The following KRT19 variants were observed in gnomAD, a reference collection of about 807,000 sequenced individuals.
KRT19 encodes the protein keratin 19, also known as keratin, type I cytoskeletal 19.
A neutral mutation model predicts 34.6 loss-of-function variants in KRT19; 21 were observed. That is an observed-to-expected ratio of 0.61 (90% CI 0.43 to 0.87). The LOEUF (loss-of-function observed/expected upper bound fraction) is 0.87. KRT19 is among the 40% of genes least tolerant of loss of function. KRT19 has a pLI of 0.00. For synonymous variants in KRT19, 240 were observed against 245.8 expected, an observed-to-expected ratio of 0.98 and a Z score of 0.22; for missense variants, 514 against 545.7, an observed-to-expected ratio of 0.94 and a Z score of 0.58.
In KRT19 at chr17:41,523,877, C is replaced by G. The variant is rs1332809239; in HGVS notation, c.1069G>C (p.Glu357Gln). 5 of 1,613,996 alleles carry G rather than the reference C, an allele frequency of 3.1e-6. No homozygotes were observed. The highest frequency in any genetic ancestry group is 1.3e-5 in the African/African-American group (1 of 74,948). ...AQLGDVRADS[E>Q]RQNQEYQRLM... ...CGCTGGTACTCCTGATTCTGCCGCT[C>G]ACTATCAGCTCGCACATCGCCCAGC... Residue 357 changes from glutamate to glutamine, a missense_variant, in exon 6 of 6, where the codon GAG becomes CAG. Glu to Gln is a conservative substitution (Grantham distance 29). Transcript: ENST00000361566.
intron 1 of KRT19, among the ~76,000 whole-genome samples, chr17:41,527,313 C>T (rs148364399): frequency 3.8e-3 from 586 of 152,360 alleles, no homozygotes; most frequent in Middle Eastern, 6.8e-3. Context: ...TGGGAGGAGG[C>T]CAAAGCCTGA....
Position 41,523,938 on chromosome 17 carries a change from C to G in KRT19, c.1008G>C (p.Ala336=). 6.2e-7 allele frequency: 1 copy of G among 1,613,758 alleles called. No homozygotes were observed. The highest frequency in any genetic ancestry group is 8.5e-7 in the Non-Finnish European group (1 of 1,179,822). The change falls in exon 6 of 6, where the codon GCG becomes GCC. Residue 336 remains alanine, a synonymous_variant. Coordinates refer to ENST00000361566, the MANE Select transcript of KRT19 (RefSeq NM_002276.5). The part of the protein sequence containing the change: ...ETEARFGAQL[A]HIQALISGIE... ...TACCGCTGATCAGCGCCTGGATATG[C>G]GCCAGCTGGGCTCCAAAGCGCGCCT...
rs745520751 is a variant in KRT19 at position 41,524,947 on chromosome 17, G to A, written c.556C>T (p.Leu186=). The change falls in exon 3 of 6, where the codon CTG becomes TTG. Residue 186 remains leucine (L), a synonymous_variant. Transcript: ENST00000361566. ...GTCAGCTCATCCAGCACCCTGCGCA[G>A]GCCGTTGATGTCGGCCTCCACGCTC... The part of the protein sequence containing the change: ...RMSVEADING[L]RRVLDELTLA... 6.2e-7 allele frequency: 1 copy of A among 1,614,248 alleles called. No homozygotes were observed. Among genetic ancestry groups the A allele is most frequent in the African/African-American group, 1.3e-5 (1 of 75,070 alleles).
intron 1 of KRT19, among the ~76,000 whole-genome samples, chr17:41,526,641 G>T (rs764575250): frequency 8.1e-6 from 1 of 123,830 alleles, no homozygotes; most frequent in Non-Finnish European, 1.6e-5. Context: ...GCGCAATCTC[G>T]GCTCACTGCA....
chr17:41,527,920 C>T lies in KRT19; in HGVS notation c.328G>A (p.Val110Met), dbSNP rs751373563. ...ALEAANGELE[V>M]KIRDWYQKQG... ...TTCTGGTACCAGTCGCGGATCTTCA[C>T]CTCTAGCTCGCCGTTGGCCGCCTCC... Residue 110 changes from valine to methionine, a missense_variant, in exon 1 of 6, where the codon GTG becomes ATG. Val to Met is a conservative substitution (Grantham distance 21). Transcript: ENST00000361566. The T allele has an allele frequency of 1.2e-4, 198 of 1,613,784 alleles. No individual in the cohort carries two copies. The South Asian group carries it at 1.6e-3, about 13-fold the overall frequency.
rs1905746189 is a variant in KRT19 at position 41,523,664 on chromosome 17, G to A, written c.*79C>T. The A allele has an allele frequency of 2.1e-6, 3 of 1,443,498 alleles. No individual in the cohort carries two copies. Among genetic ancestry groups the A allele is most frequent in the African/African-American group, 1.4e-5 (1 of 71,144 alleles). The allele number at this position is 1,443,498 out of a possible 1,614,324, so 89.4% of individuals were successfully genotyped here. Reference sequence around the variant, plus strand: ...TTGGCAGGTCAGGAGAAGAGCCGGGGGTAAGGGTCCCTTCCTTCCCATCCC... The same window carrying A: ...TTGGCAGGTCAGGAGAAGAGCCGGGAGTAAGGGTCCCTTCCTTCCCATCCC... On this transcript the variant is annotated 3_prime_UTR_variant, in exon 6 of 6. Transcript: ENST00000361566.
Position 41,528,143 on chromosome 17 carries a change from G to A in KRT19, c.105C>T (p.Ser35=). ...CGCGGCCGCCGGAGCCCCCGTGAATGCTGGGCGCGCGAAAGGCGACCCCCG... is the reference window on the plus strand; with the variant it reads ...CGCGGCCGCCGGAGCCCCCGTGAATACTGGGCGCGCGAAAGGCGACCCCCG... ...FGPGVAFRAP[S]IHGGSGGRGV... The change falls in exon 1 of 6, where the codon AGC becomes AGT. Residue 35 remains serine (S), a synonymous_variant. Transcript: ENST00000361566. The A allele has an allele frequency of 1.9e-6, 3 of 1,601,750 alleles. No individual in the cohort carries two copies. The highest frequency in any genetic ancestry group is 2.5e-6 in the Non-Finnish European group (3 of 1,177,002).
Position 41,528,055 on chromosome 17 carries a change from A to G in KRT19, c.193T>C (p.Tyr65His), listed in dbSNP as rs1434351545. 2.0e-5 allele frequency: 32 copies of G among 1,611,190 alleles called. No homozygotes were observed. The highest frequency in any genetic ancestry group is 2.1e-5 in the Non-Finnish European group (25 of 1,179,354). Residue 65 changes from tyrosine (Y) to histidine (H), a missense_variant, in exon 1 of 6, where the codon TAC becomes CAC. Tyr to His is a moderately conservative substitution (Grantham distance 83). Coordinates refer to ENST00000361566, the MANE Select transcript of KRT19 (RefSeq NM_002276.5). ...TCGGACGCGGTCAGGACGCCGCCGT[A>G]GCCGCCGCCGTAGGCCCCCGAGGAG... Reference protein sequence around the residue: ...SSSSGAYGGGYGGVLTASDGL... With the variant: ...SSSSGAYGGGHGGVLTASDGL...
Position 41,526,564 on chromosome 17 carries a change from T to TTC in KRT19, c.420+1263_420+1264insGA, listed in dbSNP as rs1905874141. On this transcript the variant is annotated intron_variant, in intron 1 of 5. Coordinates refer to ENST00000361566, the MANE Select transcript of KRT19 (RefSeq NM_002276.5). Reference sequence around the variant, plus strand: ...ACGCCACCATGCCAAGCTAATTCCTTTTTTTTTTTTTTTTTTTTTTTTTTT... The same window carrying TTC: ...ACGCCACCATGCCAAGCTAATTCCTTTCTTTTTTTTTTTTTTTTTTTTTTTTT... Among the ~76,000 whole-genome samples the TTC allele has an allele frequency of 4.3e-5, 5 of 115,734 alleles. No individual in the cohort carries two copies. The South Asian group carries it at 1.3e-3, about 31-fold the overall frequency. The allele number at this position is 115,734 out of a possible 152,430, so 75.9% of individuals were successfully genotyped here. A position where few individuals can be genotyped will look rare whatever the true frequency, so the allele number is the denominator to read the frequency against.
Position 41,528,117 on chromosome 17 carries a change from C to A in KRT19, c.131G>T (p.Gly44Val). 6.2e-7 allele frequency: 1 copy of A among 1,607,480 alleles called. No individual in the cohort carries two copies. Among genetic ancestry groups the A allele is most frequent in the Non-Finnish European group, 8.5e-7 (1 of 1,178,566 alleles). The change falls in exon 1 of 6, where the codon GGC becomes GTC. Residue 44 changes from glycine to valine, a missense_variant. Gly to Val is a moderately radical substitution (Grantham distance 109). Coordinates refer to ENST00000361566, the MANE Select transcript of KRT19 (RefSeq NM_002276.5). ...AAAGCGGGCGGAGGACACGGATACG[C>A]CGCGGCCGCCGGAGCCCCCGTGAAT... is the stretch of plus-strand genomic sequence containing the variant. Reference protein sequence around the residue: ...PSIHGGSGGRGVSVSSARFVS... With the variant: ...PSIHGGSGGRVVSVSSARFVS...
chr17:41,524,357 G>A lies in KRT19; in HGVS notation c.822+22C>T, dbSNP rs1204874277. ...CCCTCCCCTTCCTAACCCCCAAAGG[G>A]TGCCTGCTTCCCTCTACCTACCCGG... On this transcript the variant is annotated intron_variant, in intron 4 of 5. Transcript: ENST00000361566. The A allele has an allele frequency of 1.9e-6, 3 of 1,613,718 alleles. No individual in the cohort carries two copies. In the East Asian group the frequency reaches 6.7e-5, roughly 36 times the overall value.
intron 1 of KRT19, among the ~76,000 whole-genome samples, chr17:41,527,620 C>T (rs890421013): frequency 6.6e-6 from 1 of 152,240 alleles, no homozygotes; most frequent in Non-Finnish European, 1.5e-5. Context: ...CCCAGTTCTC[C>T]TCCCCTTTCC....
In KRT19 at chr17:41,525,270, G is replaced by C; in HGVS notation, c.424C>G (p.Leu142Val). The C allele has an allele frequency of 6.2e-7, 1 of 1,612,610 alleles. No individual in the cohort carries two copies. Among genetic ancestry groups the C allele is most frequent in the Non-Finnish European group, 8.5e-7 (1 of 1,178,580 alleles). The change falls in exon 2 of 6, where the codon CTT (leucine) becomes GTT (valine). Residue 142 changes from leucine to valine, a missense_variant. Leu to Val is a conservative substitution (Grantham distance 32). Coordinates refer to ENST00000361566, the MANE Select transcript of KRT19 (RefSeq NM_002276.5). ...TTIQDLRDKI[L>V]GATIENSRIV... ...CTGGAGTTCTCAATGGTGGCACCAA[G>C]AATCTGGAAGGCAGAGGCAGAGGTT... is the stretch of plus-strand genomic sequence containing the variant.
chr17:41,527,885 A>G lies in KRT19; in HGVS notation c.363T>C (p.Pro121=). ...AGTGGCTGTAGTCGCGGGAGGGCCC[A>G]GGCCCCTGCTTCTGGTACCAGTCGC... ...KIRDWYQKQG[P]GPSRDYSHYY... Residue 121 remains proline (P), a synonymous_variant, in exon 1 of 6, where the codon CCT becomes CCC. Transcript: ENST00000361566. 6.2e-7 allele frequency: 1 copy of G among 1,613,372 alleles called. No individual in the cohort carries two copies. Among genetic ancestry groups the G allele is most frequent in the Non-Finnish European group, 8.5e-7 (1 of 1,179,742 alleles).
chr17:41,528,055 A>C lies in KRT19; in HGVS notation c.193T>G (p.Tyr65Asp). Residue 65 changes from tyrosine (Y) to aspartate (D), a missense_variant, in exon 1 of 6, where the codon TAC becomes GAC. Tyr to Asp is a radical substitution (Grantham distance 160). Transcript: ENST00000361566. ...TCGGACGCGGTCAGGACGCCGCCGT[A>C]GCCGCCGCCGTAGGCCCCCGAGGAG... The part of the protein sequence containing the change: ...SSSSGAYGGG[Y>D]GGVLTASDGL... The C allele has an allele frequency of 1.9e-6, 3 of 1,611,190 alleles. No homozygotes were observed. Among genetic ancestry groups the C allele is most frequent in the Non-Finnish European group, 1.7e-6 (2 of 1,179,354 alleles).
Position 41,523,759 on chromosome 17 carries a change from G to T in KRT19, c.1187C>A (p.Ala396Asp), listed in dbSNP as rs141241260. ...GQEDHYNNLS[A>D]SKVL is the part of the protein sequence containing the mutation. Reference sequence around the variant, plus strand: ...CCTGCTGCCTCAGAGGACCTTGGAGGCAGACAAATTGTTGTAGTGATCTTC... The same window carrying T: ...CCTGCTGCCTCAGAGGACCTTGGAGTCAGACAAATTGTTGTAGTGATCTTC... The change falls in exon 6 of 6, where the codon GCC (alanine) becomes GAC (aspartate). Residue 396 changes from alanine to aspartate, a missense_variant. Physicochemically the swap from Ala to Asp is moderately radical, Grantham distance 126. Coordinates refer to ENST00000361566, the MANE Select transcript of KRT19 (RefSeq NM_002276.5). 1.2e-5 allele frequency: 19 copies of T among 1,613,872 alleles called. No homozygotes were observed. The African/African-American group carries it at 2.3e-4, about 19-fold the overall frequency.
intron 1 of KRT19, among the ~76,000 whole-genome samples, chr17:41,527,074 G>C (rs1905890899): frequency 1.3e-5 from 2 of 151,946 alleles, no homozygotes; most frequent in South Asian, 4.2e-4. Context: ...TTTACGACTC[G>C]AAAAATTTCT....
chr17:41,524,852 GTTC>G lies in KRT19; in HGVS notation c.648_650del (p.Lys216del). 1 of 1,613,918 alleles carries G rather than the reference GTTC, an allele frequency of 6.2e-7. No individual in the cohort carries two copies. The highest frequency in any genetic ancestry group is 1.3e-5 in the African/African-American group (1 of 75,036). On this transcript the variant is annotated inframe_deletion, in exon 3 of 6. Coordinates refer to ENST00000361566, the MANE Select transcript of KRT19 (RefSeq NM_002276.5). The stretch of plus-strand genomic sequence containing the variant: ...CCAGCTTCAAACCCACCTCCTCATG[GTTC>G]TTCTTCAGGTAGGCCAGCTCTTCCT...
At chr17:41,527,782 T>TCCGCGGCAGGTGCACTGCACTTC (rs2144538112) in intron 1 of KRT19, 46 bp downstream of exon 1, 1 of 1,514,308 alleles carries the variant, frequency 6.6e-7, no homozygotes, top group Non-Finnish European at 8.8e-7. Flanking sequence ...GGGCTGGGTT[T>TCCGCGGCAGGTGCACTGCACTTC]CCGCGGCAGG....
Sources: allele counts gnomAD v4.1 joint callset (sites outside exome capture counted in the v4.1 genomes callset), GRCh38; gene constraint gnomAD v4.1.1; transcripts MANE v1.5; gene names NCBI Gene and HGNC (gene_info 2026-07-23, HGNC 2026-07-21).